Variants in DLG2 observed in about 807,000 individuals in gnomAD.
DLG2 encodes disks large homolog 2.
DLG2 carries 45 observed loss-of-function variants against 132.5 expected under a neutral mutation model. The observed-to-expected ratio is 0.34, with a 90% confidence interval of 0.27 to 0.44. DLG2 has a LOEUF of 0.44. DLG2 is among the 20% of genes least tolerant of loss of function. DLG2 has a pLI of 1.00. For missense variants in DLG2, 1,045 were observed against 1,196.9 expected (o/e 0.87, Z 1.87); for synonymous variants, 424 against 419.6 (o/e 1.01, Z -0.13).
intron 9 of DLG2, among the ~76,000 whole-genome samples, chr11:84,137,617 G>T (rs998511583): frequency 6.6e-6 from 1 of 152,088 alleles, no homozygotes; most frequent in Non-Finnish European, 1.5e-5. Context: ...TCTCTGAAAA[G>T]ACCTGCTCTA....
chr11:84,288,116 T>G (rs960517355), intron 7 of DLG2, among the ~76,000 whole-genome samples: 4 of 152,080 alleles, frequency 2.6e-5, no homozygotes, highest in South Asian at 4.1e-4. Context: ...TGATATTAAA[T>G]AATTAACAAT....
chr11:84,612,199 T>C lies in DLG2; in HGVS notation c.358-77468A>G, dbSNP rs186271484. Among the ~76,000 whole-genome samples the C allele has an allele frequency of 2.3e-3, 353 of 152,268 alleles. 2 individuals carry two copies. Among genetic ancestry groups the C allele is most frequent in the African/African-American group, 8.3e-3 (344 of 41,560 alleles). ...GGTATGTACTCTTTTTTAGCCTGGC[T>C]TTTTTCATTTGATATACCTATTTTG... On this transcript the variant is annotated intron_variant, in intron 6 of 27. Coordinates refer to ENST00000376104, the MANE Select transcript of DLG2 (RefSeq NM_001142699.3).
chr11:84,802,866 C>T (rs2075574584), intron 6 of DLG2, among the ~76,000 whole-genome samples: 1 of 152,156 alleles, frequency 6.6e-6, no homozygotes, highest in South Asian at 2.1e-4. Context: ...GAGGCGCGAT[C>T]TCGGCTCACT....
intron 18 of DLG2, among the ~76,000 whole-genome samples, chr11:83,774,335 A>G (rs1309479896): frequency 5.9e-5 from 9 of 152,170 alleles, no homozygotes; most frequent in Non-Finnish European, 7.3e-5. Flanking sequence ...TATGATAATA[A>G]CGATAATTAT....
chr11:84,757,926 C>A (rs983582172), intron 6 of DLG2, among the ~76,000 whole-genome samples: 9 of 152,160 alleles, frequency 5.9e-5, no homozygotes, highest in Admixed American at 5.2e-4. Context: ...ATCCTAATAC[C>A]ATGGGAATTC....
At chr11:84,505,229 G>A (rs1187211535) in intron 7 of DLG2, among the ~76,000 whole-genome samples, 1 of 152,036 alleles carries the variant, frequency 6.6e-6, no homozygotes, top group Middle Eastern at 3.2e-3. Context: ...TTGGTATAAG[G>A]TATCATAATA....
At chr11:83,886,529 G>A (rs2067948820) in intron 15 of DLG2, among the ~76,000 whole-genome samples, 1 of 152,122 alleles carries the variant, frequency 6.6e-6, no homozygotes, top group Admixed American at 6.5e-5. Flanking sequence ...GTCAACAATA[G>A]ACAGATGAAT....
chr11:83,548,899 C>G (rs1245375285), intron 19 of DLG2, among the ~76,000 whole-genome samples: 1 of 152,110 alleles, frequency 6.6e-6, no homozygotes, highest in Admixed American at 6.6e-5. Context: ...GTCTTATCTC[C>G]TTTACTACAT....
intron 6 of DLG2, among the ~76,000 whole-genome samples, chr11:84,808,710 T>G (rs1432940371): frequency 6.6e-6 from 1 of 151,888 alleles, no homozygotes; most frequent in Non-Finnish European, 1.5e-5. Context: ...TTAGATAAAA[T>G]GTACCAATTA....
intron 6 of DLG2, among the ~76,000 whole-genome samples, chr11:84,824,885 A>T (rs1010503764): frequency 1.3e-5 from 2 of 151,894 alleles, no homozygotes; most frequent in Non-Finnish European, 2.9e-5. Flanking sequence ...CCTCAGCCAC[A>T]TCTCCCATAT....
chr11:84,507,859 T>C (rs1281785096), intron 7 of DLG2, among the ~76,000 whole-genome samples: 1 of 152,234 alleles, frequency 6.6e-6, no homozygotes, highest in Non-Finnish European at 1.5e-5. Context: ...GATGTGCTGC[T>C]GGATTCAGTT....
intron 21 of DLG2, among the ~76,000 whole-genome samples, chr11:83,498,295 T>A (rs961024934): frequency 3.9e-5 from 6 of 152,062 alleles, no homozygotes; most frequent in Non-Finnish European, 7.4e-5. Flanking sequence ...GAAGCCAATT[T>A]TAATAGTAAT....
intron 6 of DLG2, among the ~76,000 whole-genome samples, chr11:84,568,831 C>T (rs568209513): frequency 6.6e-6 from 1 of 152,300 alleles, no homozygotes; most frequent in East Asian, 1.9e-4. Flanking sequence ...GGTCAAATAG[C>T]TACTCAACTC....
intron 6 of DLG2, among the ~76,000 whole-genome samples, chr11:84,864,632 C>G (rs760246510): frequency 6.6e-6 from 1 of 152,158 alleles, no homozygotes; most frequent in Non-Finnish European, 1.5e-5. Context: ...GTTCGATCCA[C>G]TTCAAGTCTA....
At chr11:84,440,378 G>T (rs1405767700) in intron 7 of DLG2, among the ~76,000 whole-genome samples, 1 of 152,144 alleles carries the variant, frequency 6.6e-6, no homozygotes, top group African/African-American at 2.4e-5. Flanking sequence ...AAGACCAGAA[G>T]ACTCAATAGA....
chr11:84,172,539 T>G (rs1596581317), intron 8 of DLG2, among the ~76,000 whole-genome samples: 1 of 91,194 alleles, frequency 1.1e-5, no homozygotes, highest in East Asian at 4.0e-4. Flanking sequence ...ATTTATTTAT[T>G]TATTTATTTA....
chr11:85,337,651 G>T (rs1199499569), intron 3 of DLG2, among the ~76,000 whole-genome samples: 1 of 152,158 alleles, frequency 6.6e-6, no homozygotes, highest in Non-Finnish European at 1.5e-5. Flanking sequence ...GTTCCAGAAT[G>T]CCTAAGTTCA....
At chr11:84,523,989 T>C (rs539031258) in intron 7 of DLG2, among the ~76,000 whole-genome samples, 6 of 152,210 alleles carry the variant, frequency 3.9e-5, no homozygotes, top group African/African-American at 7.2e-5. Flanking sequence ...TCAAAACCCA[T>C]AGAGAGAACC....
chr11:84,673,837 A>AAGTATATCCTATAC lies in DLG2; in HGVS notation c.358-139107_358-139106insGTATAGGATATACT, dbSNP rs373167715. Reference sequence around the variant, plus strand: ...CTCATCTATTATCCTATACCTGTCAACTACTCAAAGTCATGCTACCTGCAA... The same window carrying AAGTATATCCTATAC: ...CTCATCTATTATCCTATACCTGTCAAAGTATATCCTATACCTACTCAAAGTCATGCTACCTGCAA... On this transcript the variant is annotated intron_variant, in intron 6 of 27. Coordinates refer to ENST00000376104, the MANE Select transcript of DLG2 (RefSeq NM_001142699.3). 2.7e-3 allele frequency among the ~76,000 whole-genome samples: 411 copies of AAGTATATCCTATAC among 152,192 alleles called. 1 individual carries two copies. The highest frequency in any genetic ancestry group is 4.6e-3 in the Non-Finnish European group (315 of 67,982).
Sources: allele counts gnomAD v4.1 joint callset (sites outside exome capture counted in the v4.1 genomes callset), GRCh38; gene constraint gnomAD v4.1.1; transcripts MANE v1.5; gene names NCBI Gene and HGNC (gene_info 2026-07-23, HGNC 2026-07-21).